DSCAML1: variants seen among roughly 807,000 people sequenced by gnomAD.
DSCAML1 encodes the protein cell adhesion molecule DSCAML1.
DSCAML1 carries 38 observed loss-of-function variants against 200.5 expected under a neutral mutation model. That is an observed-to-expected ratio of 0.19 (90% CI 0.15 to 0.25). The LOEUF (loss-of-function observed/expected upper bound fraction) is 0.25, where lower values mean the gene tolerates loss of function less well. Among genes scored for constraint, DSCAML1 ranks in the 10% least tolerant of loss-of-function variants. The pLI, the probability that DSCAML1 is intolerant of heterozygous loss-of-function variation, is 1.00. For missense variants in DSCAML1, 2,223 were observed against 2,858.8 expected, an observed-to-expected ratio of 0.78 and a Z score of 5.07; for synonymous variants, 1,215 against 1,165.0, an observed-to-expected ratio of 1.04 and a Z score of -0.87.
chr11:117,689,966 G>C lies in DSCAML1; in HGVS notation c.511+86825C>G, dbSNP rs1283414728. ...AGGGAAAGTCAAGGAGGTGGGGATGGGGGAAGGGAAAAGAGACAGGCTTCT... is the reference window on the plus strand; with the variant it reads ...AGGGAAAGTCAAGGAGGTGGGGATGCGGGAAGGGAAAAGAGACAGGCTTCT... On this transcript the variant is annotated intron_variant, in intron 3 of 32. Coordinates refer to ENST00000651296, the MANE Select transcript of DSCAML1 (RefSeq NM_020693.4). 2.0e-5 allele frequency among the ~76,000 whole-genome samples: 3 copies of C among 152,126 alleles called. No individual in the cohort carries two copies. In the East Asian group the frequency reaches 5.8e-4, roughly 29 times the overall value.
chr11:117,794,985 G>A (rs564319487), intron 1 of DSCAML1, among the ~76,000 whole-genome samples: 44 of 152,332 alleles, frequency 2.9e-4, no homozygotes, highest in Middle Eastern at 6.8e-3. Flanking sequence ...CAAGGCCACT[G>A]GCAACTTCCA....
At chr11:117,656,363 GTT>G (rs1219293866) in intron 3 of DSCAML1, among the ~76,000 whole-genome samples, 1 of 152,212 alleles carries the variant, frequency 6.6e-6, no homozygotes, top group African/African-American at 2.4e-5. Flanking sequence ...CTGAGCCTCA[GTT>G]TCATCAGCTG....
intron 3 of DSCAML1, among the ~76,000 whole-genome samples, chr11:117,591,564 A>T (rs535572812): frequency 6.6e-6 from 1 of 152,158 alleles, no homozygotes; most frequent in Non-Finnish European, 1.5e-5. Context: ...GGACGTGGAG[A>T]AGTAGGAACC....
chr11:117,482,185 G>T, intron 11 of DSCAML1, 23 bp from the exon 12 acceptor site: 1 of 1,613,222 alleles, frequency 6.2e-7, no homozygotes, highest in Non-Finnish European at 8.5e-7. Context: ...GGCAGAGAAG[G>T]CCCAGTGAAG....
chr11:117,647,884 CA>C (rs1431276456), intron 3 of DSCAML1, among the ~76,000 whole-genome samples: 3 of 152,212 alleles, frequency 2.0e-5, no homozygotes, highest in Non-Finnish European at 4.4e-5. Context: ...TGTGCCCCAC[CA>C]ACCCCCAGCA....
chr11:117,674,644 A>G (rs79620014), intron 3 of DSCAML1, among the ~76,000 whole-genome samples: 2,650 of 152,200 alleles, frequency 0.017, 77 homozygotes, highest in African/African-American at 0.06. Flanking sequence ...TCCATGAGGC[A>G]CCCGACTAAG....
At position 117,661,100 on chromosome 11, in the gene DSCAML1, G is replaced by A. The variant is rs190861667; in HGVS notation, c.511+115691C>T. ...AAATGCCTAGGCCACTGTTCCCAAG[G>A]TGAGGGGTCCTGCCTGGTCCAAGGA... On this transcript the variant is annotated intron_variant, in intron 3 of 32. Coordinates refer to ENST00000651296, the MANE Select transcript of DSCAML1 (RefSeq NM_020693.4). 3.0e-3 allele frequency among the ~76,000 whole-genome samples: 455 copies of A among 152,284 alleles called. 1 individual carries two copies. The highest frequency in any genetic ancestry group is 5.3e-3 in the Non-Finnish European group (363 of 68,024).
In DSCAML1 at chr11:117,435,627, A is replaced by G. The variant is rs1413721571; in HGVS notation, c.4876+17T>C. On this transcript the variant is annotated intron_variant, in intron 27 of 32. Coordinates refer to ENST00000651296, the MANE Select transcript of DSCAML1 (RefSeq NM_020693.4). ...GCCAACACCCCCTCCTGGAAGGCCC[A>G]TAGGAAGCTCCCCCACCTCGGAGTC... 1 of 1,588,762 alleles carries G rather than the reference A, an allele frequency of 6.3e-7. No homozygotes were observed. The highest frequency in any genetic ancestry group is 8.6e-7 in the Non-Finnish European group (1 of 1,160,400).
intron 3 of DSCAML1, among the ~76,000 whole-genome samples, chr11:117,694,351 A>G (rs2053550080): frequency 6.6e-6 from 1 of 151,622 alleles, no homozygotes; most frequent in Non-Finnish European, 1.5e-5. Flanking sequence ...GGTTGCAGTG[A>G]GCTGAGATAG....
At chr11:117,497,397 A>G (rs1486316261) in intron 11 of DSCAML1, among the ~76,000 whole-genome samples, 1 of 152,152 alleles carries the variant, frequency 6.6e-6, no homozygotes, top group African/African-American at 2.4e-5. Flanking sequence ...CGAGGGCCCA[A>G]GGAGGTTTAC....
chr11:117,743,770 G>A (rs921866125), intron 3 of DSCAML1, among the ~76,000 whole-genome samples: 3 of 152,202 alleles, frequency 2.0e-5, no homozygotes, highest in African/African-American at 7.2e-5. Context: ...TTAATCCTTA[G>A]CGATTAACAG....
chr11:117,538,275 C>G (rs1470605414), intron 3 of DSCAML1, among the ~76,000 whole-genome samples: 2 of 152,230 alleles, frequency 1.3e-5, no homozygotes, highest in Non-Finnish European at 2.9e-5. Flanking sequence ...GCGCAAGCCC[C>G]ATTTCTTCTT....
chr11:117,714,988 C>G (rs909432501), intron 3 of DSCAML1, among the ~76,000 whole-genome samples: 5 of 152,108 alleles, frequency 3.3e-5, no homozygotes, highest in African/African-American at 1.2e-4. Context: ...CATGGGCCAT[C>G]AGACCCAAAC....
rs116328160 is a variant in DSCAML1 at position 117,621,700 on chromosome 11, T to C, written c.512-89178A>G. Among the ~76,000 whole-genome samples the C allele has an allele frequency of 4.8e-3, 725 of 152,346 alleles. 6 individuals are homozygous for C. Among genetic ancestry groups the C allele is most frequent in the African/African-American group, 0.016 (683 of 41,566 alleles). ...ATTAGAAGCTGGGTTCTCTCATGAA[T>C]TGGCTGTGCTGTTTTATGCAAGTTG... is the stretch of plus-strand genomic sequence containing the variant. On this transcript the variant is annotated intron_variant, in intron 3 of 32. Coordinates refer to ENST00000651296, the MANE Select transcript of DSCAML1 (RefSeq NM_020693.4).
chr11:117,443,841 C>A (rs527893289), intron 21 of DSCAML1, 45 bp downstream of exon 21: 4 of 1,536,796 alleles, frequency 2.6e-6, no homozygotes, highest in Non-Finnish European at 3.5e-6. Context: ...TGTAAGGGAG[C>A]TTTTGGAAGT....
intron 3 of DSCAML1, among the ~76,000 whole-genome samples, chr11:117,742,766 G>T (rs954424133): frequency 6.6e-6 from 1 of 152,188 alleles, no homozygotes; most frequent in African/African-American, 2.4e-5. Flanking sequence ...CAACATACTC[G>T]AATCAGAGAA....
intron 20 of DSCAML1, 75 bp from the exon 21 acceptor site, chr11:117,444,114 G>A: frequency 3.4e-6 from 5 of 1,491,406 alleles, no homozygotes; most frequent in Non-Finnish European, 3.6e-6. Flanking sequence ...CTCAGTGCCC[G>A]GGGCTCAGAG....
At chr11:117,777,364 G>A (rs2055146072) in intron 2 of DSCAML1, among the ~76,000 whole-genome samples, 1 of 152,152 alleles carries the variant, frequency 6.6e-6, no homozygotes, top group Non-Finnish European at 1.5e-5. Context: ...AACCAAACCG[G>A]ATTTCCTGCA....
intron 31 of DSCAML1, 55 bp downstream of exon 31, chr11:117,431,479 A>T: frequency 6.9e-7 from 1 of 1,449,410 alleles, no homozygotes; most frequent in Non-Finnish European, 9.2e-7. Flanking sequence ...GGTGAAGGTG[A>T]ATGATGGGGA....
Sources: gnomAD v4.1 joint callset for allele counts (sites outside exome capture counted in the v4.1 genomes callset) on GRCh38, gnomAD v4.1.1 for gene constraint, MANE v1.5 for transcripts, NCBI Gene and HGNC (gene_info 2026-07-23, HGNC 2026-07-21) for gene names.